NMNAT3: variants seen among roughly 807,000 people sequenced by gnomAD.
NMNAT3 encodes the protein nicotinamide nucleotide adenylyltransferase 3, also known as nicotinamide/nicotinic acid mononucleotide adenylyltransferase 3.
In NMNAT3, 21 loss-of-function variants were observed where a neutral mutation model predicts 24.8. That is an observed-to-expected ratio of 0.85 (90% CI 0.60 to 1.22). The LOEUF (loss-of-function observed/expected upper bound fraction) is 1.22. NMNAT3 is among the 50% of genes most tolerant of loss of function. NMNAT3 has a pLI of 0.00. For synonymous variants in NMNAT3, 136 were observed against 155.2 expected, an observed-to-expected ratio of 0.88 and a Z score of 0.92; for missense variants, 387 against 436.6, an observed-to-expected ratio of 0.89 and a Z score of 1.01.
Position 139,560,961 on chromosome 3 carries a change from C to G in NMNAT3, c.*49G>C. 6.4e-7 allele frequency: 1 copy of G among 1,567,988 alleles called. No homozygotes were observed. Among genetic ancestry groups the G allele is most frequent in the Non-Finnish European group, 8.7e-7 (1 of 1,154,708 alleles). On this transcript the variant is annotated 3_prime_UTR_variant, in exon 7 of 7. Coordinates refer to ENST00000643695, the MANE Select transcript of NMNAT3 (RefSeq NM_001320510.2). ...AAAACAGAAACCTTAACAGCCCTCT[C>G]CCCAGCAGGAGCTTGTTGGAGGAGG... is the stretch of plus-strand genomic sequence containing the variant.
chr3:139,658,661 C>T (rs148518151), intron 1 of NMNAT3, among the ~76,000 whole-genome samples: 4 of 152,314 alleles, frequency 2.6e-5, no homozygotes, highest in East Asian at 3.9e-4. Context: ...TTGGCAATCT[C>T]GCTTACTGTT....
intron 2 of NMNAT3, among the ~76,000 whole-genome samples, chr3:139,629,589 T>G (rs2056204902): frequency 6.6e-6 from 1 of 152,362 alleles, no homozygotes; most frequent in Admixed American, 6.5e-5. Context: ...TGGTCTTAGC[T>G]GTAATCCTGC....
intron 1 of NMNAT3, among the ~76,000 whole-genome samples, chr3:139,672,095 T>C (rs1403696113): frequency 2.0e-5 from 3 of 152,220 alleles, no homozygotes; most frequent in Non-Finnish European, 4.4e-5. Flanking sequence ...GGCTGAGCCA[T>C]GCTTGTCAGC....
At chr3:139,666,752 C>A (rs1576790604) in intron 1 of NMNAT3, among the ~76,000 whole-genome samples, 1 of 152,192 alleles carries the variant, frequency 6.6e-6, no homozygotes, top group South Asian at 2.1e-4. Context: ...CCTCCCCAAC[C>A]CTTGCTACCC....
chr3:139,569,287 T>C (rs1290032166), intron 6 of NMNAT3: 2 of 152,200 alleles, frequency 1.3e-5, no homozygotes, highest in Non-Finnish European at 2.9e-5. Flanking sequence ...GGGTCTTGAC[T>C]CTTTATCCAA....
At chr3:139,626,935 C>T (rs915676111) in intron 3 of NMNAT3, among the ~76,000 whole-genome samples, 1 of 151,980 alleles carries the variant, frequency 6.6e-6, no homozygotes, top group Non-Finnish European at 1.5e-5. Context: ...ATAATACATT[C>T]ATAAATATAC....
rs147653969 is a variant in NMNAT3, at chr3:139,581,721, G to C, written c.391+1206C>G. On this transcript the variant is annotated intron_variant, in intron 4 of 6. Transcript: ENST00000643695. Reference sequence around the variant, plus strand: ...GGAGAGCGTGGAAGTGTGCTGTGGGGAAAGCTGGATGAGAAAGATGATAAA... The same window carrying C: ...GGAGAGCGTGGAAGTGTGCTGTGGGCAAAGCTGGATGAGAAAGATGATAAA... Among the ~76,000 whole-genome samples, 659 of 152,244 alleles carry C rather than the reference G, an allele frequency of 4.3e-3. 4 individuals are homozygous for C. The highest frequency in any genetic ancestry group is 7.2e-3 in the Non-Finnish European group (487 of 68,020).
chr3:139,591,448 G>C (rs4683557), intron 3 of NMNAT3, among the ~76,000 whole-genome samples: 48,595 of 151,020 alleles, frequency 0.32, 8,339 homozygotes, highest in East Asian at 0.58. Flanking sequence ...CGGGAAGCTC[G>C]AACTGGGTGG....
chr3:139,602,081 G>A (rs551667934), intron 3 of NMNAT3, among the ~76,000 whole-genome samples: 5 of 152,278 alleles, frequency 3.3e-5, no homozygotes, highest in East Asian at 3.9e-4. Context: ...CAAGATATGC[G>A]GGGGATTCAA....
chr3:139,672,069 G>A (rs2057775503), intron 1 of NMNAT3, among the ~76,000 whole-genome samples: 1 of 152,226 alleles, frequency 6.6e-6, no homozygotes, highest in Admixed American at 6.5e-5. Flanking sequence ...TGATGGCAGT[G>A]GTTAGGATGC....
At chr3:139,664,009 AGGTCTCT>A in intron 1 of NMNAT3, among the ~76,000 whole-genome samples, 1 of 152,364 alleles carries the variant, frequency 6.6e-6, no homozygotes, top group African/African-American at 2.4e-5. Context: ...GTAAGGATTA[AGGTCTCT>A]TTGTGCAATG....
intron 4 of NMNAT3, among the ~76,000 whole-genome samples, chr3:139,580,119 G>A (rs915653689): frequency 1.3e-5 from 2 of 152,158 alleles, no homozygotes; most frequent in African/African-American, 4.8e-5. Context: ...CTCATAAAAA[G>A]CGTTGGAGAG....
intron 1 of NMNAT3, among the ~76,000 whole-genome samples, chr3:139,662,599 A>T (rs1391329089): frequency 6.6e-6 from 1 of 152,166 alleles, no homozygotes; most frequent in African/African-American, 2.4e-5. Flanking sequence ...GTGGGCTCCT[A>T]GCTCCTGCTT....
chr3:139,670,284 A>C (rs1280568305), intron 1 of NMNAT3, among the ~76,000 whole-genome samples: 2 of 152,182 alleles, frequency 1.3e-5, no homozygotes, highest in Non-Finnish European at 2.9e-5. Context: ...CTTGACTTCC[A>C]CTGACAGCAT....
intron 3 of NMNAT3, among the ~76,000 whole-genome samples, chr3:139,587,420 T>C (rs1158042254): frequency 1.3e-5 from 2 of 152,016 alleles, no homozygotes; most frequent in Non-Finnish European, 2.9e-5. Flanking sequence ...GCTTCAATAG[T>C]GGAGCGAGAG....
chr3:139,585,494 A>G (rs542390545), intron 3 of NMNAT3, among the ~76,000 whole-genome samples: 1 of 152,242 alleles, frequency 6.6e-6, no homozygotes, highest in African/African-American at 2.4e-5. Flanking sequence ...GATAGTTCTT[A>G]GTCATATTGT....
At chr3:139,641,753 G>T (rs193122240) in intron 1 of NMNAT3, among the ~76,000 whole-genome samples, 1 of 152,170 alleles carries the variant, frequency 6.6e-6, no homozygotes, top group African/African-American at 2.4e-5. Flanking sequence ...AATGATTTAC[G>T]CTGTCTTCCA....
chr3:139,583,259 T>G (rs2053750524), intron 3 of NMNAT3: 2 of 1,211,634 alleles, frequency 1.7e-6, no homozygotes, highest in Admixed American at 3.4e-5. Flanking sequence ...TGCTAAGAGT[T>G]TTGCATGTAT....
chr3:139,568,571 CT>C (rs1286377057), intron 6 of NMNAT3: 3 of 152,152 alleles, frequency 2.0e-5, no homozygotes, highest in African/African-American at 7.2e-5. Context: ...CAAAGAACAT[CT>C]TTATTTTTGC....
Sources: gnomAD v4.1 joint callset for allele counts (sites outside exome capture counted in the v4.1 genomes callset) on GRCh38, gnomAD v4.1.1 for gene constraint, MANE v1.5 for transcripts, NCBI Gene and HGNC (gene_info 2026-07-23, HGNC 2026-07-21) for gene names.